Variants in PARD3B observed in about 807,000 individuals in gnomAD.
PARD3B encodes the protein par-3 family cell polarity regulator beta, also known as partitioning defective 3 homolog B.
In PARD3B, 103 loss-of-function variants were observed where a neutral mutation model predicts 130.2. That is an observed-to-expected ratio of 0.79 (90% CI 0.67 to 0.93). The LOEUF (loss-of-function observed/expected upper bound fraction) is 0.93, where lower values mean the gene tolerates loss of function less well. Ranked by LOEUF, PARD3B falls within the 40% of genes least tolerant of loss-of-function variation. The pLI is 0.00. For missense variants in PARD3B, 1,609 were observed against 1,499.2 expected (o/e 1.07, Z -1.21); for synonymous variants, 583 against 553.2 (o/e 1.05, Z -0.76).
intron 3 of PARD3B, among the ~76,000 whole-genome samples, chr2:205,038,102 G>T (rs1042022736): frequency 6.6e-6 from 1 of 152,082 alleles, no homozygotes; most frequent in Non-Finnish European, 1.5e-5. Flanking sequence ...ACATTTTTAG[G>T]TGATGGCAGG....
chr2:205,037,944 CATTT>C (rs1195016619), intron 3 of PARD3B, among the ~76,000 whole-genome samples: 2 of 152,162 alleles, frequency 1.3e-5, no homozygotes. Context: ...CCTGAAATTA[CATTT>C]ATTTCCCCAC....
rs71410805 is a variant in PARD3B, at chr2:205,183,730, T to TTGTGTGTGTGTGTGTG, written c.1925-2005_1925-1990dup. On this transcript the variant is annotated intron_variant, in intron 13 of 22. Coordinates refer to ENST00000406610, the MANE Select transcript of PARD3B (RefSeq NM_001302769.2). The surrounding 1 kb of genome is among the most constrained non-coding windows in gnomAD (Gnocchi z 5.2). The stretch of plus-strand genomic sequence containing the variant: ...GGTTCTGCAGAGAAACAGAACCAAG[T>TTGTGTGTGTGTGTGTG]TGTGTGTGTGTGTGTGTGTGTGTGT... 2.2e-5 allele frequency among the ~76,000 whole-genome samples: 3 copies of TTGTGTGTGTGTGTGTG among 138,160 alleles called. No homozygotes were observed. Among genetic ancestry groups the TTGTGTGTGTGTGTGTG allele is most frequent in the Non-Finnish European group, 3.1e-5 (2 of 64,184 alleles). The allele number at this position is 138,160 out of a possible 152,430, so 90.6% of individuals were successfully genotyped here. A position where few individuals can be genotyped will look rare whatever the true frequency, so the allele number is the denominator to read the frequency against.
chr2:205,260,999 C>T (rs759815749), intron 16 of PARD3B, among the ~76,000 whole-genome samples: 1 of 151,928 alleles, frequency 6.6e-6, no homozygotes, highest in Non-Finnish European at 1.5e-5. Context: ...AAGGCAATCT[C>T]AAATTGCAAG....
intron 2 of PARD3B, among the ~76,000 whole-genome samples, chr2:204,728,676 C>T (rs2039348430): frequency 6.6e-6 from 1 of 152,118 alleles, no homozygotes. Context: ...TTACTGTCTT[C>T]CCTATTTTTC....
intron 2 of PARD3B, among the ~76,000 whole-genome samples, chr2:204,802,718 A>G (rs1173343346): frequency 1.3e-5 from 2 of 152,178 alleles, no homozygotes. Flanking sequence ...GGAAACCATC[A>G]TTCTCAGCAT....
Position 205,265,448 on chromosome 2 carries a change from G to A in PARD3B, c.2185+19626G>A, listed in dbSNP as rs1027323427. Among the ~76,000 whole-genome samples, 1 of 151,850 alleles carries A rather than the reference G, an allele frequency of 6.6e-6. No homozygotes were observed. Among genetic ancestry groups the A allele is most frequent in the African/African-American group, 2.4e-5 (1 of 41,338 alleles). On this transcript the variant is annotated intron_variant, in intron 16 of 22. Coordinates refer to ENST00000406610, the MANE Select transcript of PARD3B (RefSeq NM_001302769.2). The surrounding 1 kb of genome is among the most constrained non-coding windows in gnomAD (Gnocchi z 4.3). ...GGGTTTTGATGTGCTGATGTAATTTGGACATTGCTTTTCTGCCTACAAATG... is the reference window on the plus strand; with the variant it reads ...GGGTTTTGATGTGCTGATGTAATTTAGACATTGCTTTTCTGCCTACAAATG...
rs2034366464 is a variant in PARD3B, at chr2:204,623,269, C to T, written c.121-62912C>T. 6.6e-6 allele frequency among the ~76,000 whole-genome samples: 1 copy of T among 152,012 alleles called. No individual in the cohort carries two copies. On this transcript the variant is annotated intron_variant, in intron 1 of 22. Coordinates refer to ENST00000406610, the MANE Select transcript of PARD3B (RefSeq NM_001302769.2). The surrounding 1 kb of genome is among the most constrained non-coding windows in gnomAD (Gnocchi z 4.5). ...AATAGCTATAGGACAATATCAAAAC[C>T]AGCATAAAAATCAGAATATTGGCAT...
At chr2:205,074,848 C>T (rs1700944225) in intron 4 of PARD3B, among the ~76,000 whole-genome samples, 1 of 152,136 alleles carries the variant, frequency 6.6e-6, no homozygotes, top group South Asian at 2.1e-4. Flanking sequence ...TTCCAAGACT[C>T]CATATTTTCC....
chr2:205,184,110 C>A (rs2035958543), intron 13 of PARD3B, among the ~76,000 whole-genome samples: 1 of 152,126 alleles, frequency 6.6e-6, no homozygotes, highest in Non-Finnish European at 1.5e-5. Context: ...AAGGCCCACC[C>A]CATTAGAGGG....
chr2:205,294,824 T>C lies in PARD3B; in HGVS notation c.2186-5706T>C, dbSNP rs980918023. Among the ~76,000 whole-genome samples, 19 of 152,076 alleles carry C rather than the reference T, an allele frequency of 1.2e-4. No homozygotes were observed. In the South Asian group the frequency reaches 3.7e-3, roughly 30 times the overall value. On this transcript the variant is annotated intron_variant, in intron 16 of 22. Coordinates refer to ENST00000406610, the MANE Select transcript of PARD3B (RefSeq NM_001302769.2). ...CTGAGACCCAAATGACAGCAGATAA[T>C]GTAAAGCCAAATTGCATTATGCCCT...
chr2:205,131,436 C>T (rs1345648878), intron 10 of PARD3B, among the ~76,000 whole-genome samples: 1 of 152,150 alleles, frequency 6.6e-6, no homozygotes, highest in African/African-American at 2.4e-5. Context: ...ACTGCATTTT[C>T]ATTCAACCAG....
At chr2:204,588,941 A>G (rs942464760) in intron 1 of PARD3B, among the ~76,000 whole-genome samples, 4 of 152,052 alleles carry the variant, frequency 2.6e-5, no homozygotes, top group South Asian at 2.1e-4. Context: ...CAAGGTGGCT[A>G]TGGCCTTGGT....
intron 21 of PARD3B, among the ~76,000 whole-genome samples, chr2:205,508,695 C>T (rs1352290796): frequency 6.6e-6 from 1 of 152,186 alleles, no homozygotes; most frequent in African/African-American, 2.4e-5. Flanking sequence ...GGTTCCCTCC[C>T]AGTGGCTGAC....
Position 205,563,614 on chromosome 2 carries a change from T to G in PARD3B, c.3260+10211T>G, listed in dbSNP as rs555389383. On this transcript the variant is annotated intron_variant, in intron 22 of 22. Transcript: ENST00000406610. This position sits in a 1 kb window ranked among gnomAD's most constrained non-coding sequence, Gnocchi z 4.2. ...GTTCATTGTGAACATCTTTTAAGGT[T>G]CCAGAGAAAATAGAAAATGTCAAAA... is the stretch of plus-strand genomic sequence containing the variant. Among the ~76,000 whole-genome samples the G allele has an allele frequency of 2.6e-4, 40 of 151,348 alleles. No homozygotes were observed. The South Asian group carries it at 8.4e-3, about 32-fold the overall frequency.
chr2:205,184,480 C>A (rs2035979503), intron 13 of PARD3B, among the ~76,000 whole-genome samples: 1 of 152,128 alleles, frequency 6.6e-6, no homozygotes, highest in Non-Finnish European at 1.5e-5. Flanking sequence ...CGGTGGCTCA[C>A]GCCTGTAATC....
At chr2:204,676,957 C>T (rs865838297) in intron 1 of PARD3B, among the ~76,000 whole-genome samples, 1 of 152,102 alleles carries the variant, frequency 6.6e-6, no homozygotes, top group Non-Finnish European at 1.5e-5. Context: ...CGTGAGCCAC[C>T]GCACCCGGCC....
chr2:204,970,302 T>C (rs939139328), intron 3 of PARD3B, among the ~76,000 whole-genome samples: 17 of 152,216 alleles, frequency 1.1e-4, no homozygotes, highest in African/African-American at 4.1e-4. Context: ...AGCTGTGTGA[T>C]CAGGATAAGT....
rs2125110873 is a variant in PARD3B at position 204,606,329 on chromosome 2, A to C, written c.120+60210A>C. 6.6e-6 allele frequency among the ~76,000 whole-genome samples: 1 copy of C among 152,258 alleles called. No individual in the cohort carries two copies. On this transcript the variant is annotated intron_variant, in intron 1 of 22. Transcript: ENST00000406610. The surrounding 1 kb of genome is among the most constrained non-coding windows in gnomAD (Gnocchi z 4.0). ...GGCTTTAGTACTTTTTAGTACTAAG[A>C]GGACTACTTTTTTAGTACTTTAGTT...
intron 2 of PARD3B, among the ~76,000 whole-genome samples, chr2:204,797,505 A>G (rs2042416242): frequency 6.6e-6 from 1 of 152,190 alleles, no homozygotes; most frequent in African/African-American, 2.4e-5. Flanking sequence ...TGCTGTTCTC[A>G]TAAAGGAAAA....
Sources: allele counts gnomAD v4.1 joint callset (sites outside exome capture counted in the v4.1 genomes callset), GRCh38; gene constraint gnomAD v4.1.1; non-coding constraint Gnocchi (gnomAD v3.1); transcripts MANE v1.5; gene names NCBI Gene and HGNC (gene_info 2026-07-23, HGNC 2026-07-21).